Variants in ANK2 observed in about 807,000 individuals in gnomAD.
The protein encoded by ANK2 is ankyrin 2.
Under a neutral mutation model 360.5 loss-of-function variants are expected in ANK2, and 83 were observed. The observed-to-expected ratio is 0.23, with a 90% CI of 0.19 to 0.28. The LOEUF (loss-of-function observed/expected upper bound fraction) is 0.28, where lower values mean the gene tolerates loss of function less well. Among genes scored for constraint, ANK2 ranks in the 10% least tolerant of loss-of-function variants. The pLI, the probability that ANK2 is intolerant of heterozygous loss-of-function variation, is 1.00. For missense variants in ANK2, 4,201 were observed against 4,795.7 expected (o/e 0.88, Z 3.66); for synonymous variants, 1,740 against 1,759.5 (o/e 0.99, Z 0.28).
the ANK2 span, among the ~76,000 whole-genome samples, chr4:112,723,471 C>G: frequency 6.6e-6 from 1 of 152,190 alleles, no homozygotes; most frequent in Non-Finnish European, 1.5e-5. Flanking sequence ...TCAAGCAATT[C>G]TCCTGCCTCA....
At chr4:112,716,114 C>T in the ANK2 span, among the ~76,000 whole-genome samples, 13 of 152,102 alleles carry the variant, frequency 8.5e-5, no homozygotes, top group East Asian at 7.7e-4. Flanking sequence ...GGATTAGACA[C>T]GGAAGTCAGA....
intron 1 of ANK2, among the ~76,000 whole-genome samples, chr4:113,085,303 ACTTTTTCTTTT>A (rs1451612106): frequency 6.6e-6 from 1 of 151,686 alleles, no homozygotes. Context: ...AGATATTAAG[ACTTTTTCTTTT>A]CTTTTTCTTT....
chr4:112,793,831 G>A, the ANK2 span, among the ~76,000 whole-genome samples: 4 of 151,180 alleles, frequency 2.6e-5, no homozygotes, highest in East Asian at 1.9e-4. Flanking sequence ...TCAACCTCCC[G>A]AGTAGCTGGG....
chr4:113,267,506 A>T (rs982254029), intron 14 of ANK2, among the ~76,000 whole-genome samples: 2 of 152,194 alleles, frequency 1.3e-5, no homozygotes, highest in Non-Finnish European at 2.9e-5. Flanking sequence ...TTAAATAGGG[A>T]ATCCTTTTCC....
rs2153405599 is a variant in ANK2 at position 113,199,086 on chromosome 4, G to A, written c.361G>A (p.Ala121Thr). 2 of 1,612,314 alleles carry A rather than the reference G, an allele frequency of 1.2e-6. No individual in the cohort carries two copies. The highest frequency in any genetic ancestry group is 1.1e-5 in the South Asian group (1 of 91,030). The part of the protein sequence containing the change: ...EVVKVLVKEG[A>T]NINAQSQNGF... ...TGTCAAAGTTCTTGTTAAGGAAGGA[G>A]CCAATATTAATGCACAGTCTCAGGT... The change falls in exon 4 of 46, where the codon GCC (alanine) becomes ACC (threonine). Residue 121 changes from alanine (A) to threonine (T), a missense_variant. Physicochemically the swap from Ala to Thr is moderately conservative, Grantham distance 58. Around this residue, in one of 4 missense-constraint regions of ANK2, gnomAD observed 169 missense variants for 191.1 expected, o/e 0.88. Transcript: ENST00000357077.
At chr4:113,171,578 C>T (rs1050972927) in intron 1 of ANK2, among the ~76,000 whole-genome samples, 1 of 152,136 alleles carries the variant, frequency 6.6e-6, no homozygotes, top group Non-Finnish European at 1.5e-5. Context: ...ATTCAACTTA[C>T]CCAAAAGTCT....
At chr4:113,001,560 T>A (rs1218862860) in intron 2 of ANK2, among the ~76,000 whole-genome samples, 1 of 152,166 alleles carries the variant, frequency 6.6e-6, no homozygotes, top group African/African-American at 2.4e-5. Context: ...ATATTTTAAT[T>A]AAGTGAAAAT....
At chr4:112,744,968 T>C in the ANK2 span, among the ~76,000 whole-genome samples, 1 of 152,266 alleles carries the variant, frequency 6.6e-6, no homozygotes, top group Non-Finnish European at 1.5e-5. Context: ...GTCTTTGTCA[T>C]TTTCTATTGG....
chr4:112,784,557 A>G, the ANK2 span, among the ~76,000 whole-genome samples: 2 of 151,556 alleles, frequency 1.3e-5, no homozygotes, highest in African/African-American at 4.8e-5. Context: ...GTTAGCCAGG[A>G]TGGTCTCGAT....
Position 112,870,159 on chromosome 4 carries a change from C to T in ANK2, c.-39-34296C>T, listed in dbSNP as rs550902373. Among the ~76,000 whole-genome samples, 19 of 151,878 alleles carry T rather than the reference C, an allele frequency of 1.3e-4. No homozygotes were observed. The South Asian group carries it at 1.7e-3, about 13-fold the overall frequency. On this transcript the variant is annotated intron_variant, in intron 1 of 30. Coordinates refer to the ANK2 transcript ENST00000503271. ...GACTACAGGTGCCCGCCACCACACC[C>T]GGCTAATTTTTGTATTTAGAGATGG... is the stretch of plus-strand genomic sequence containing the variant.
intron 1 of ANK2, among the ~76,000 whole-genome samples, chr4:113,150,504 C>T (rs779050209): frequency 6.6e-6 from 1 of 152,106 alleles, no homozygotes; most frequent in Non-Finnish European, 1.5e-5. Context: ...TACACTTGTG[C>T]CTTCAGTAAG....
chr4:113,186,161 G>A (rs548741505), intron 2 of ANK2, among the ~76,000 whole-genome samples: 1 of 152,284 alleles, frequency 6.6e-6, no homozygotes. Context: ...GCTCTGGCTG[G>A]CATCTGGCAG....
At chr4:113,328,321 A>T (rs543943637) in intron 26 of ANK2, among the ~76,000 whole-genome samples, 1 of 152,292 alleles carries the variant, frequency 6.6e-6, no homozygotes, top group African/African-American at 2.4e-5. Context: ...ATTGCAATGA[A>T]TTTGGAAGTA....
intron 1 of ANK2, among the ~76,000 whole-genome samples, chr4:112,896,763 C>T (rs968634419): frequency 2.0e-5 from 3 of 152,152 alleles, no homozygotes; most frequent in African/African-American, 7.2e-5. Context: ...TCTGCTGTCA[C>T]CAACCTGAGA....
chr4:112,862,249 G>C (rs2068350451), intron 1 of ANK2, among the ~76,000 whole-genome samples: 1 of 152,236 alleles, frequency 6.6e-6, no homozygotes, highest in East Asian at 1.9e-4. Context: ...CTTTAGTGCA[G>C]TAGTGTTTGA....
intron 22 of ANK2, among the ~76,000 whole-genome samples, chr4:113,298,907 C>T (rs966451062): frequency 6.6e-6 from 1 of 152,152 alleles, no homozygotes; most frequent in African/African-American, 2.4e-5. Flanking sequence ...TTTCTTGTTA[C>T]ATTATACATA....
At chr4:112,842,902 G>T (rs539527077) in intron 1 of ANK2, among the ~76,000 whole-genome samples, 1 of 152,338 alleles carries the variant, frequency 6.6e-6, no homozygotes, top group South Asian at 2.1e-4. Flanking sequence ...TGAAAGCGAG[G>T]TGCCCGCAGG....
Position 113,356,254 on chromosome 4 carries a change from G to C in ANK2, c.7636G>C (p.Val2546Leu). 3 of 1,614,048 alleles carry C rather than the reference G, an allele frequency of 1.9e-6. No individual in the cohort carries two copies. In the Admixed American group the frequency reaches 5.0e-5, roughly 27 times the overall value. The change falls in exon 38 of 46, where the codon GTC (valine) becomes CTC (leucine). Residue 2546 changes from valine to leucine, a missense_variant. Val to Leu is a conservative substitution (Grantham distance 32). Around this residue, in one of 4 missense-constraint regions of ANK2, gnomAD observed 2,642 missense variants for 2,714.5 expected, o/e 0.97. Transcript: ENST00000357077. ...LSPDTPSSEEVSYEVTPKTTD... is the reference protein window; with the variant it reads ...LSPDTPSSEELSYEVTPKTTD... ...TCCTGACACCCCCAGCTCTGAAGAA[G>C]TCAGCTATGAGGTTACACCCAAAAC...
the ANK2 span, among the ~76,000 whole-genome samples, chr4:112,729,006 A>G: frequency 6.6e-6 from 1 of 152,064 alleles, no homozygotes; most frequent in Non-Finnish European, 1.5e-5. Flanking sequence ...CAGGAGTTGG[A>G]GATCAACCTG....
Sources: allele counts gnomAD v4.1 joint callset (sites outside exome capture counted in the v4.1 genomes callset), GRCh38; gene constraint gnomAD v4.1.1; regional missense constraint gnomAD v4.1.1; transcripts MANE v1.5; gene names NCBI Gene and HGNC (gene_info 2026-07-23, HGNC 2026-07-21).